ZNF18: variants seen among roughly 807,000 people sequenced by gnomAD.
ZNF18 encodes the protein zinc finger protein 18, also known as heart development-specific gene 1 protein.
ZNF18 carries 42 observed loss-of-function variants against 58.1 expected under a neutral mutation model. The ratio of observed to expected loss-of-function variants is 0.72; its 90% CI spans 0.56 to 0.93. ZNF18 has a LOEUF of 0.93. Ranked by LOEUF, ZNF18 falls within the 40% of genes least tolerant of loss-of-function variation. The probability of loss-of-function intolerance (pLI) is 0.00; values close to 1 mark genes in which losing one functional copy is unlikely to be tolerated. For synonymous variants in ZNF18, 231 were observed against 239.8 expected (o/e 0.96, Z 0.34); for missense variants, 540 against 644.2 (o/e 0.84, Z 1.75).
chr17:11,985,052 G>C (rs1967647035), intron 4 of ZNF18, among the ~76,000 whole-genome samples: 1 of 152,184 alleles, frequency 6.6e-6, no homozygotes, highest in African/African-American at 2.4e-5. Flanking sequence ...AGAAGAGAGA[G>C]ATGTTATAGC....
chr17:11,984,040 T>C (rs1967553710), intron 5 of ZNF18, 73 bp downstream of exon 5: 6 of 1,404,568 alleles, frequency 4.3e-6, no homozygotes, highest in South Asian at 1.3e-5. Flanking sequence ...GATGTCTCTA[T>C]AAGTGCATGG....
At chr17:11,981,804 C>A (rs1202221296) in intron 6 of ZNF18, among the ~76,000 whole-genome samples, 1 of 152,134 alleles carries the variant, frequency 6.6e-6, no homozygotes, top group Non-Finnish European at 1.5e-5. Context: ...AAAAATCCTA[C>A]TGCAACAACC....
chr17:11,988,056 G>A lies in ZNF18; in HGVS notation c.666+2406C>T, dbSNP rs187651042. Among the ~76,000 whole-genome samples the A allele has an allele frequency of 1.4e-4, 22 of 152,046 alleles. No homozygotes were observed. The South Asian group carries it at 4.4e-3, about 30-fold the overall frequency. ...AATGATGTTTTAATTAAGATGTATA[G>A]GTTCGTGAAAAAAAAATTTTTTACA... On this transcript the variant is annotated intron_variant, in intron 4 of 6. Coordinates refer to ENST00000580306, the MANE Select transcript of ZNF18 (RefSeq NM_001303281.2).
the ZNF18 span, among the ~76,000 whole-genome samples, chr17:12,020,176 T>G: frequency 1.3e-5 from 2 of 152,210 alleles, no homozygotes; most frequent in East Asian, 1.9e-4. Flanking sequence ...AAGATGGTGA[T>G]GTAGATAGCA....
At chr17:11,993,825 CA>C (rs386385680) in intron 1 of ZNF18, among the ~76,000 whole-genome samples, 5 of 71,242 alleles carry the variant, frequency 7.0e-5, no homozygotes, top group African/African-American at 2.4e-4. Context: ...CTCCGTCTCA[CA>C]AAAAAAAAAA....
At chr17:11,979,975 C>T (rs1860089) in intron 6 of ZNF18, among the ~76,000 whole-genome samples, 1 of 152,048 alleles carries the variant, frequency 6.6e-6, no homozygotes, top group Non-Finnish European at 1.5e-5. Context: ...TGTGTTTTTG[C>T]GACTACAAAT....
At chr17:11,998,822 C>CTTTTTTTTTTTTTTTTT (rs71142260), upstream of ZNF18, among the ~76,000 whole-genome samples, 4 of 108,522 alleles carry the variant, frequency 3.7e-5, no homozygotes, top group Non-Finnish European at 5.4e-5. Flanking sequence ...AGTTTCTAGT[C>CTTTTTTTTTTTTTTTTT]TTTTTTTTTT....
At chr17:12,020,791 C>T in the ZNF18 span, 3 of 508,084 alleles carry the variant, frequency 5.9e-6, no homozygotes, top group Non-Finnish European at 9.0e-6. Context: ...GGAGGCGGGG[C>T]CAAGGCGGGG....
Position 11,984,080 on chromosome 17 carries a change from A to G in ZNF18, c.751+33T>C, listed in dbSNP as rs574768488. On this transcript the variant is annotated intron_variant, in intron 5 of 6. Transcript: ENST00000580306. ...TGCCTCACAGTTTTCCAGTCCTTCT[A>G]CCTCCTTCCATCAGACTAACCCACA... The G allele has an allele frequency of 1.1e-5, 17 of 1,578,314 alleles. No homozygotes were observed. In the African/African-American group the frequency reaches 1.9e-4, roughly 18 times the overall value.
the ZNF18 span, chr17:12,020,925 G>GGGCGGC: frequency 8.2e-7 from 1 of 1,217,878 alleles, no homozygotes; most frequent in Non-Finnish European, 1.0e-6. Context: ...GCGGCTCCGG[G>GGGCGGC]GGCGGCAGCG....
At chr17:12,001,853 ATT>A (rs1968663620), upstream of ZNF18, among the ~76,000 whole-genome samples, 2 of 152,082 alleles carry the variant, frequency 1.3e-5, no homozygotes, top group Admixed American at 1.3e-4. Flanking sequence ...TTAAAAATCT[ATT>A]ATAAATGAAA....
chr17:11,978,228 C>G lies in ZNF18; in HGVS notation c.1379G>C (p.Gly460Ala). Residue 460 changes from glycine (G) to alanine (A), a missense_variant, in exon 7 of 7, where the codon GGA becomes GCA. Physicochemically the swap from Gly to Ala is moderately conservative, Grantham distance 60. Coordinates refer to ENST00000580306, the MANE Select transcript of ZNF18 (RefSeq NM_001303281.2). ...GTAATCACATTTACAGGGCTTCTCTCCCGTGTGAGTTCTCTGATGCTTCAC... is the reference window on the plus strand; with the variant it reads ...GTAATCACATTTACAGGGCTTCTCTGCCGTGTGAGTTCTCTGATGCTTCAC... ...DFVKHQRTHT[G>A]EKPCKCDYCG... The G allele has an allele frequency of 6.2e-7, 1 of 1,613,928 alleles. No homozygotes were observed. Among genetic ancestry groups the G allele is most frequent in the East Asian group, 2.2e-5 (1 of 44,880 alleles).
At chr17:11,982,745 G>A (rs945710881) in intron 6 of ZNF18, among the ~76,000 whole-genome samples, 6 of 151,170 alleles carry the variant, frequency 4.0e-5, no homozygotes, top group African/African-American at 1.5e-4. Context: ...TTCAGAAAAA[G>A]TGTAGAAAGC....
the ZNF18 span, chr17:12,020,692 A>C: frequency 4.4e-3 from 1,577 of 356,586 alleles, 19 homozygotes; most frequent in African/African-American, 0.03. Context: ...GCGCACCCAG[A>C]GCCGGGCGGT....
At chr17:12,011,424 C>T in the ZNF18 span, 119 of 175,028 alleles carry the variant, frequency 6.8e-4, no homozygotes, top group African/African-American at 2.6e-3. Context: ...CTCATTCTGT[C>T]GCCTAGGCTG....
upstream of ZNF18, among the ~76,000 whole-genome samples, chr17:12,000,253 A>G (rs571446748): frequency 2.9e-4 from 44 of 152,288 alleles, no homozygotes; most frequent in African/African-American, 1.0e-3. Flanking sequence ...AATGAGTGAC[A>G]ATAAAGAGAA....
chr17:12,015,131 T>A, the ZNF18 span, among the ~76,000 whole-genome samples: 1 of 152,202 alleles, frequency 6.6e-6, no homozygotes, highest in Non-Finnish European at 1.5e-5. Flanking sequence ...TCATAAAACT[T>A]AAACACAATG....
the ZNF18 span, chr17:12,011,155 C>T: frequency 1.1e-3 from 639 of 596,946 alleles, 3 homozygotes; most frequent in Non-Finnish European, 1.7e-3. Flanking sequence ...AAAGGAACAA[C>T]TCCATGTTTT....
In ZNF18 at chr17:11,978,413, C is replaced by G; in HGVS notation, c.1194G>C (p.Gln398His). ...GCTTCTGGGCCATGGGGGCTCTTGG[C>G]TGCCCCTTCTGGGAGGTCTCTCTCT... ...EEKRETSQKG[Q>H]PRAPMAQKLP... Residue 398 changes from glutamine to histidine, a missense_variant, in exon 7 of 7, where the codon CAG (glutamine) becomes CAC (histidine). By Grantham distance (24) the Gln-to-His change is conservative (BLOSUM62 0). Transcript: ENST00000580306. 1 of 1,546,202 alleles carries G rather than the reference C, an allele frequency of 6.5e-7. No homozygotes were observed. Among genetic ancestry groups the G allele is most frequent in the Non-Finnish European group, 8.7e-7 (1 of 1,150,490 alleles).
Sources: allele counts gnomAD v4.1 joint callset (sites outside exome capture counted in the v4.1 genomes callset), GRCh38; gene constraint gnomAD v4.1.1; transcripts MANE v1.5; gene names NCBI Gene and HGNC (gene_info 2026-07-23, HGNC 2026-07-21).